LRP1B: variants seen among roughly 807,000 people sequenced by gnomAD.
The protein encoded by LRP1B is LDL receptor related protein 1B.
Under a neutral mutation model 556.6 loss-of-function variants are expected in LRP1B, and 217 were observed. The ratio of observed to expected loss-of-function variants is 0.39; its 90% confidence interval spans 0.35 to 0.44. The LOEUF (loss-of-function observed/expected upper bound fraction) is 0.44. LRP1B is among the 20% of genes least tolerant of loss of function. The pLI is 1.00. For missense variants in LRP1B, 5,053 were observed against 5,620.8 expected, an observed-to-expected ratio of 0.90 and a Z score of 3.23; for synonymous variants, 2,047 against 1,865.8, an observed-to-expected ratio of 1.10 and a Z score of -2.50.
At chr2:140,702,320 C>T (rs758457701) in intron 38 of LRP1B, 28 bp from the exon 39 acceptor site, 1 of 1,611,404 alleles carries the variant, frequency 6.2e-7, no homozygotes, top group Non-Finnish European at 8.5e-7. Context: ...AGTAACGTTA[C>T]AGACTATATT....
At chr2:140,723,192 T>G (rs1372402023) in intron 35 of LRP1B, among the ~76,000 whole-genome samples, 3 of 152,152 alleles carry the variant, frequency 2.0e-5, no homozygotes. Context: ...GTATAAAAGG[T>G]GTATATTTTG....
intron 1 of LRP1B, among the ~76,000 whole-genome samples, chr2:141,951,892 G>A (rs1167569134): frequency 6.6e-6 from 1 of 151,620 alleles, no homozygotes; most frequent in Non-Finnish European, 1.5e-5. Context: ...TGTGTACAAC[G>A]TGCATGTTTG....
At chr2:140,666,297 A>C (rs1182611235) in intron 41 of LRP1B, among the ~76,000 whole-genome samples, 1 of 45,014 alleles carries the variant, frequency 2.2e-5, no homozygotes, top group Non-Finnish European at 4.8e-5. Flanking sequence ...TGATCCATTT[A>C]TTATACACAC....
At chr2:141,073,102 T>G (rs12464862) in intron 7 of LRP1B, among the ~76,000 whole-genome samples, 1 of 151,976 alleles carries the variant, frequency 6.6e-6, no homozygotes, top group Non-Finnish European at 1.5e-5. Context: ...TTAAACCACC[T>G]TCCATTTATA....
intron 3 of LRP1B, among the ~76,000 whole-genome samples, chr2:141,364,708 T>C (rs551873969): frequency 7.2e-4 from 110 of 152,332 alleles, no homozygotes; most frequent in Middle Eastern, 3.4e-3. Context: ...TATTTCCAGA[T>C]AGCACCTTTT....
chr2:140,658,805 T>TA (rs1559037518), intron 41 of LRP1B, among the ~76,000 whole-genome samples: 1 of 152,064 alleles, frequency 6.6e-6, no homozygotes, highest in Non-Finnish European at 1.5e-5. Context: ...ATAGGTTGTT[T>TA]ATGTACTATA....
intron 2 of LRP1B, among the ~76,000 whole-genome samples, chr2:141,804,372 A>G (rs889746292): frequency 6.6e-6 from 1 of 152,080 alleles, no homozygotes; most frequent in African/African-American, 2.4e-5. Context: ...TGACTATTGT[A>G]TTTTTAATAC....
chr2:141,722,054 C>T (rs1400445129), intron 2 of LRP1B, among the ~76,000 whole-genome samples: 1 of 152,114 alleles, frequency 6.6e-6, no homozygotes, highest in East Asian at 1.9e-4. Context: ...TGTAGTTTTC[C>T]ACAAATGCTG....
chr2:141,548,320 A>T (rs571106930), intron 2 of LRP1B, among the ~76,000 whole-genome samples: 2 of 152,168 alleles, frequency 1.3e-5, no homozygotes, highest in African/African-American at 4.8e-5. Context: ...TCATTTTGTC[A>T]CTGTAACTGG....
At position 140,768,646 on chromosome 2, in the gene LRP1B, T is replaced by C. The variant is rs536453748; in HGVS notation, c.5758+567A>G. On this transcript the variant is annotated intron_variant, in intron 35 of 90. Transcript: ENST00000389484. ...ATTCATATTAGCCGCAGCAAAATGT[T>C]AGTGTCCGCTTTGCTTCCTGTTGCT... Among the ~76,000 whole-genome samples, 11 of 152,068 alleles carry C rather than the reference T, an allele frequency of 7.2e-5. No individual in the cohort carries two copies. The South Asian group carries it at 2.3e-3, about 31-fold the overall frequency.
Position 140,642,434 on chromosome 2 carries a change from A to G in LRP1B, c.6800-40795T>C, listed in dbSNP as rs577315835. On this transcript the variant is annotated intron_variant, in intron 41 of 90. Transcript: ENST00000389484. ...TACTTTTAGGTTCCAAAGTAAATAA[A>G]GATGGGGTCCTGGTGTTCATATGGG... Among the ~76,000 whole-genome samples the G allele has an allele frequency of 5.9e-5, 9 of 152,306 alleles. No individual in the cohort carries two copies. The South Asian group carries it at 1.9e-3, about 32-fold the overall frequency.
In LRP1B at chr2:141,244,614, T is replaced by G. The variant is rs536079596; in HGVS notation, c.592+2612A>C. 5.3e-5 allele frequency among the ~76,000 whole-genome samples: 8 copies of G among 152,294 alleles called. No homozygotes were observed. In the South Asian group the frequency reaches 1.7e-3, roughly 32 times the overall value. On this transcript the variant is annotated intron_variant, in intron 5 of 90. Transcript: ENST00000389484. The stretch of plus-strand genomic sequence containing the variant: ...TATAACAAAACTACCTTAAAAATTT[T>G]AAACCTGATTGCACTAACTGGAATT...
At chr2:141,146,889 C>G (rs966924471) in intron 7 of LRP1B, among the ~76,000 whole-genome samples, 1 of 152,114 alleles carries the variant, frequency 6.6e-6, no homozygotes, top group Admixed American at 6.6e-5. Flanking sequence ...TCTCTATTTT[C>G]CAGCCTCTAC....
At chr2:140,536,740 T>C (rs781256535) in intron 45 of LRP1B, 31 bp from the exon 46 acceptor site, 8 of 1,557,472 alleles carry the variant, frequency 5.1e-6, no homozygotes, top group Admixed American at 2.0e-5. Flanking sequence ...GTCAATACTT[T>C]TGTGCAATGG....
Position 140,737,941 on chromosome 2 carries a change from T to C in LRP1B, c.5759-21125A>G, listed in dbSNP as rs1173645457. On this transcript the variant is annotated intron_variant, in intron 35 of 90. Coordinates refer to ENST00000389484, the MANE Select transcript of LRP1B (RefSeq NM_018557.3). ...GCCTCAGGTACATAGTATGCAGCCA[T>C]TAGTCTGATCCATGCACTTTTTCCA... Among the ~76,000 whole-genome samples the C allele has an allele frequency of 2.6e-5, 4 of 152,134 alleles. No individual in the cohort carries two copies. The East Asian group carries it at 5.8e-4, about 22-fold the overall frequency.
At chr2:141,478,218 C>T (rs1573993328) in intron 3 of LRP1B, among the ~76,000 whole-genome samples, 3 of 152,234 alleles carry the variant, frequency 2.0e-5, no homozygotes, top group Non-Finnish European at 2.9e-5. Flanking sequence ...GATCAAAAAT[C>T]TAAATGTTAT....
At chr2:140,282,837 C>A (rs189962506) in intron 84 of LRP1B, among the ~76,000 whole-genome samples, 2 of 151,894 alleles carry the variant, frequency 1.3e-5, no homozygotes, top group African/African-American at 4.8e-5. Flanking sequence ...GGGATTCTCA[C>A]ACTTGTAGAA....
chr2:140,707,482 T>A (rs1281871113), intron 37 of LRP1B, among the ~76,000 whole-genome samples: 1 of 152,134 alleles, frequency 6.6e-6, no homozygotes. Flanking sequence ...AGCTTTTAAC[T>A]TGACAAAAGC....
chr2:141,190,131 C>T (rs1311482387), intron 6 of LRP1B, among the ~76,000 whole-genome samples: 1 of 151,912 alleles, frequency 6.6e-6, no homozygotes, highest in Admixed American at 6.6e-5. Flanking sequence ...TGCATTTCCT[C>T]CCCTCAACCT....
Sources: gnomAD v4.1 joint callset for allele counts (sites outside exome capture counted in the v4.1 genomes callset) on GRCh38, gnomAD v4.1.1 for gene constraint, MANE v1.5 for transcripts, NCBI Gene and HGNC (gene_info 2026-07-23, HGNC 2026-07-21) for gene names.